TIGD1: variants seen among roughly 807,000 people sequenced by gnomAD.
The protein encoded by TIGD1 is tigger transposable element-derived protein 1.
Under a neutral mutation model 21.3 loss-of-function variants are expected in TIGD1, and 20 were observed. The observed-to-expected ratio is 0.94, with a 90% CI of 0.66 to 1.36. The LOEUF (loss-of-function observed/expected upper bound fraction) is 1.36, where lower values mean the gene tolerates loss of function less well. TIGD1 is among the 40% of genes most tolerant of loss of function. TIGD1 has a pLI of 0.00. For missense variants in TIGD1, 556 were observed against 350.5 expected (o/e 1.59, Z -4.68); for synonymous variants, 177 against 123.2 (o/e 1.44, Z -2.89).
chr2:232,548,647 A>G lies in TIGD1; in HGVS notation c.1236T>C (p.Asp412=). The change falls in exon 1 of 1, where the codon GAT becomes GAC. Residue 412 remains aspartate, a synonymous_variant. Coordinates refer to ENST00000408957, the MANE Select transcript of TIGD1 (RefSeq NM_145702.4). ...CTGAAGTCTTGAACCCCTCATAGTC[A>G]TCAATGAGGGTGGGAATCAACTTCT... ...VWKKLIPTLI[D]DYEGFKTSVE... 2.0e-6 allele frequency: 1 copy of G among 504,190 alleles called. No individual in the cohort carries two copies. Among genetic ancestry groups the G allele is most frequent in the Non-Finnish European group, 3.8e-6 (1 of 265,756 alleles). The allele number at this position is 504,190 out of a possible 1,614,324, so 31.2% of individuals were successfully genotyped here. A position where few individuals can be genotyped will look rare whatever the true frequency, so the allele number is the denominator to read the frequency against.
At position 232,548,679 on chromosome 2, in the gene TIGD1, C is replaced by A. The variant is rs1215941490; in HGVS notation, c.1204G>T (p.Val402Phe). ...EEVKLSTLTG[V>F]WKKLIPTLID... ...AGGGTGGGAATCAACTTCTTCCAAA[C>A]TCCTGTTAATGTTGACAATTTGACC... The change falls in exon 1 of 1, where the codon GTT becomes TTT. Residue 402 changes from valine (V) to phenylalanine (F), a missense_variant. By Grantham distance (50) the Val-to-Phe change is conservative (BLOSUM62 -1). Coordinates refer to ENST00000408957, the MANE Select transcript of TIGD1 (RefSeq NM_145702.4). The A allele has an allele frequency of 2.1e-6, 1 of 485,714 alleles. No individual in the cohort carries two copies. Among genetic ancestry groups the A allele is most frequent in the South Asian group, 1.8e-5 (1 of 57,116 alleles). 30.1% of individuals were successfully genotyped at this position (485,714 alleles called of 1,614,324 possible).
chr2:232,544,946 G>T lies in TIGD1; in HGVS notation c.*3161C>A. The T allele has an allele frequency of 6.2e-7, 1 of 1,612,562 alleles. No individual in the cohort carries two copies. Among genetic ancestry groups the T allele is most frequent in the Non-Finnish European group, 8.5e-7 (1 of 1,179,462 alleles). On this transcript the variant is annotated 3_prime_UTR_variant, in exon 1 of 1. Coordinates refer to ENST00000408957, the MANE Select transcript of TIGD1 (RefSeq NM_145702.4). ...GGGTGGAGGTGGAGTGAGTACCTGG[G>T]CTTGGAACCGTGATAGAGACAGGAT...
Position 232,548,312 on chromosome 2 carries a change from G to A in TIGD1, c.1571C>T (p.Ser524Leu), listed in dbSNP as rs538345895. 3.1e-5 allele frequency: 47 copies of A among 1,501,486 alleles called. No homozygotes were observed. The highest frequency in any genetic ancestry group is 4.1e-5 in the Non-Finnish European group (46 of 1,122,744). The allele number at this position is 1,501,486 out of a possible 1,614,324, so 93.0% of individuals were successfully genotyped here. Residue 524 changes from serine to leucine, a missense_variant, in exon 1 of 1, where the codon TCA becomes TTA. Physicochemically the swap from Ser to Leu is moderately radical, Grantham distance 145 (BLOSUM62 -2). Transcript: ENST00000408957. ...ERSSTVGKML[S>L]NSIACYREIF... ...TTCTCTGTAGCATGCGATGCTGTTTGATAGCATTTTGCCCACAGTAGAGCT... is the reference window on the plus strand; with the variant it reads ...TTCTCTGTAGCATGCGATGCTGTTTAATAGCATTTTGCCCACAGTAGAGCT...
Position 232,549,121 on chromosome 2 carries a change from A to G in TIGD1, c.762T>C (p.Thr254=), listed in dbSNP as rs1468657322. ...PRALKNYTKS[T]LPVLYKWNSK... is the part of the protein sequence containing the mutation. The stretch of plus-strand genomic sequence containing the variant: ...TGTTCCATTTATATAGCACGGGTAG[A>G]GTAGATTTAGTATAATTCTTAAGGG... Residue 254 remains threonine (T), a synonymous_variant, in exon 1 of 1, where the codon ACT becomes ACC. Coordinates refer to ENST00000408957, the MANE Select transcript of TIGD1 (RefSeq NM_145702.4). The G allele has an allele frequency of 1.4e-6, 1 of 716,056 alleles. No individual in the cohort carries two copies. The highest frequency in any genetic ancestry group is 2.7e-5 in the East Asian group (1 of 37,278). 44.4% of individuals were successfully genotyped at this position (716,056 alleles called of 1,614,324 possible). A position where few individuals can be genotyped will look rare whatever the true frequency, so the allele number is the denominator to read the frequency against.
rs1366635386 is a variant in TIGD1 at position 232,546,850 on chromosome 2, T to C, written c.*1257A>G. Among the ~76,000 whole-genome samples, 1 of 152,178 alleles carries C rather than the reference T, an allele frequency of 6.6e-6. No homozygotes were observed. The highest frequency in any genetic ancestry group is 2.4e-5 in the African/African-American group (1 of 41,442). ...CAGGCCCTTCTTCCCAAAGGATGGTTAAGACAAGGAAGAGCTAGGCAAGAG... is the reference window on the plus strand; with the variant it reads ...CAGGCCCTTCTTCCCAAAGGATGGTCAAGACAAGGAAGAGCTAGGCAAGAG... On this transcript the variant is annotated 3_prime_UTR_variant, in exon 1 of 1. Coordinates refer to ENST00000408957, the MANE Select transcript of TIGD1 (RefSeq NM_145702.4).
In TIGD1 at chr2:232,544,315, C is replaced by A; in HGVS notation, c.*3792G>T. 7.1e-7 allele frequency: 1 copy of A among 1,403,966 alleles called. No individual in the cohort carries two copies. Among genetic ancestry groups the A allele is most frequent in the Non-Finnish European group, 1.0e-6 (1 of 992,408 alleles). 87.0% of individuals were successfully genotyped at this position (1,403,966 alleles called of 1,614,324 possible). A position where few individuals can be genotyped will look rare whatever the true frequency, so the allele number is the denominator to read the frequency against. ...ACAAGCCCTTCACGCCAACCTCTGGCTTCTGCTCTGAAGCTCGGCCTGCTG... is the reference window on the plus strand; with the variant it reads ...ACAAGCCCTTCACGCCAACCTCTGGATTCTGCTCTGAAGCTCGGCCTGCTG... On this transcript the variant is annotated 3_prime_UTR_variant, in exon 1 of 1. Coordinates refer to ENST00000408957, the MANE Select transcript of TIGD1 (RefSeq NM_145702.4).
Position 232,544,542 on chromosome 2 carries a change from A to G in TIGD1, c.*3565T>C. The stretch of plus-strand genomic sequence containing the variant: ...AGTGAACTCCTCTTCCAGCAGTGGC[A>G]GCGGCAAGGGCTGGTGGCGGCAGCG... On this transcript the variant is annotated 3_prime_UTR_variant, in exon 1 of 1. Transcript: ENST00000408957. The G allele has an allele frequency of 5.6e-6, 9 of 1,613,760 alleles. No individual in the cohort carries two copies. The highest frequency in any genetic ancestry group is 6.8e-6 in the Non-Finnish European group (8 of 1,179,952).
rs1692108668 is a variant in TIGD1 at position 232,545,426 on chromosome 2, T to C, written c.*2681A>G. ...CCACCAGTTGGGACCCGGACATAGGTAAGAAGGGCCCCAGGAAATGGAGAC... is the reference window on the plus strand; with the variant it reads ...CCACCAGTTGGGACCCGGACATAGGCAAGAAGGGCCCCAGGAAATGGAGAC... On this transcript the variant is annotated 3_prime_UTR_variant, in exon 1 of 1. Coordinates refer to ENST00000408957, the MANE Select transcript of TIGD1 (RefSeq NM_145702.4). 4 of 963,450 alleles carry C rather than the reference T, an allele frequency of 4.2e-6. No homozygotes were observed. The highest frequency in any genetic ancestry group is 6.4e-6 in the Non-Finnish European group (4 of 626,072). The allele number at this position is 963,450 out of a possible 1,614,324, so 59.7% of individuals were successfully genotyped here.
At position 232,550,490 on chromosome 2, in the gene TIGD1, C is replaced by G; in HGVS notation, c.-608G>C. 1.8e-6 allele frequency: 1 copy of G among 561,640 alleles called. No homozygotes were observed. 34.8% of individuals were successfully genotyped at this position (561,640 alleles called of 1,614,324 possible). A position where few individuals can be genotyped will look rare whatever the true frequency, so the allele number is the denominator to read the frequency against. On this transcript the variant is annotated 5_prime_UTR_variant, in exon 1 of 1. Coordinates refer to ENST00000408957, the MANE Select transcript of TIGD1 (RefSeq NM_145702.4). Reference sequence around the variant, plus strand: ...CGCTCCCTTAGGAGAGCGGGCGGGTCACAAGGACCTGGACAGAGGCAGAAC... The same window carrying G: ...CGCTCCCTTAGGAGAGCGGGCGGGTGACAAGGACCTGGACAGAGGCAGAAC...
chr2:232,548,483 C>G lies in TIGD1; in HGVS notation c.1400G>C (p.Arg467Thr). The G allele has an allele frequency of 1.5e-6, 1 of 663,438 alleles. No individual in the cohort carries two copies. The highest frequency in any genetic ancestry group is 1.8e-5 in the South Asian group (1 of 56,026). 41.1% of individuals were successfully genotyped at this position (663,438 alleles called of 1,614,324 possible). Residue 467 changes from arginine (R) to threonine (T), a missense_variant, in exon 1 of 1, where the codon AGA (arginine) becomes ACA (threonine). Arg to Thr is a moderately conservative substitution (Grantham distance 71, BLOSUM62 -1). Transcript: ENST00000408957. ...AGATTCCATCTCAAGAAACCACTTT[C>G]TTTGCGCATCCATAAGAAACAACTC... ...DEELFLMDAQRKWFLEMESTP... is the reference protein window; with the variant it reads ...DEELFLMDAQTKWFLEMESTP...
At position 232,544,041 on chromosome 2, in the gene TIGD1, G is replaced by T. The variant is rs766310547; in HGVS notation, c.*4066C>A. Among the ~76,000 whole-genome samples, 4 of 152,216 alleles carry T rather than the reference G, an allele frequency of 2.6e-5. No individual in the cohort carries two copies. The highest frequency in any genetic ancestry group is 5.9e-5 in the Non-Finnish European group (4 of 68,038). On this transcript the variant is annotated 3_prime_UTR_variant, in exon 1 of 1. Transcript: ENST00000408957. ...TGCCAGGGCAGTCTGATTCCAGTCT[G>T]TGTGATCTGTAGCCCACCTGCAGCC...
At position 232,550,520 on chromosome 2, in the gene TIGD1, G is replaced by C. The variant is rs1468480143; in HGVS notation, c.-638C>G. ...GGACCTGGACAGAGGCAGAACTGAG[G>C]CCAGCAGCCAGCTCCGCCGCTGAGT... is the stretch of plus-strand genomic sequence containing the variant. On this transcript the variant is annotated 5_prime_UTR_variant, in exon 1 of 1. Transcript: ENST00000408957. 1 of 637,110 alleles carries C rather than the reference G, an allele frequency of 1.6e-6. No individual in the cohort carries two copies. The highest frequency in any genetic ancestry group is 2.0e-5 in the African/African-American group (1 of 50,932). The allele number at this position is 637,110 out of a possible 1,614,324, so 39.5% of individuals were successfully genotyped here.
rs1374444033 is a variant in TIGD1, at chr2:232,549,689, G to A, written c.194C>T (p.Thr65Ile). ...EKFLKEVKSA[T>I]PMNTRMIRKR... is the part of the protein sequence containing the mutation. The stretch of plus-strand genomic sequence containing the variant: ...TCTTATCATTCGTGTGTTCATTGGA[G>A]TAGCACTTTTAACTTCCTTCAAGAA... Residue 65 changes from threonine (T) to isoleucine (I), a missense_variant, in exon 1 of 1, where the codon ACT becomes ATT. By Grantham distance (89) the Thr-to-Ile change is moderately conservative. Coordinates refer to ENST00000408957, the MANE Select transcript of TIGD1 (RefSeq NM_145702.4). The A allele has an allele frequency of 2.6e-6, 2 of 755,088 alleles. No individual in the cohort carries two copies. The highest frequency in any genetic ancestry group is 4.8e-6 in the Non-Finnish European group (2 of 420,574). The allele number at this position is 755,088 out of a possible 1,614,324, so 46.8% of individuals were successfully genotyped here.
chr2:232,544,389 A>G lies in TIGD1; in HGVS notation c.*3718T>C, dbSNP rs1474161904. Reference sequence around the variant, plus strand: ...TAGGTGTTCCTGAGGCTCTTGCCCCAGCTGCTGAGGATGCACGTTCGCCCG... The same window carrying G: ...TAGGTGTTCCTGAGGCTCTTGCCCCGGCTGCTGAGGATGCACGTTCGCCCG... On this transcript the variant is annotated 3_prime_UTR_variant, in exon 1 of 1. Transcript: ENST00000408957. 5.6e-6 allele frequency: 9 copies of G among 1,613,380 alleles called. No individual in the cohort carries two copies. The South Asian group carries it at 9.9e-5, about 18-fold the overall frequency.
In TIGD1 at chr2:232,544,017, G is replaced by A. The variant is rs1252852911; in HGVS notation, c.*4090C>T. 6.6e-6 allele frequency among the ~76,000 whole-genome samples: 1 copy of A among 152,228 alleles called. No homozygotes were observed. Among genetic ancestry groups the A allele is most frequent in the Non-Finnish European group, 1.5e-5 (1 of 68,042 alleles). ...TACAAAGTCGAAAAAGCAGGAGTCT[G>A]CCAGGGCAGTCTGATTCCAGTCTGT... On this transcript the variant is annotated 3_prime_UTR_variant, in exon 1 of 1. Transcript: ENST00000408957.
rs1410866071 is a variant in TIGD1 at position 232,548,135 on chromosome 2, C to G, written c.1748G>C (p.Arg583Thr). The stretch of plus-strand genomic sequence containing the variant: ...ATCTGAGCCTTCGGTGAGTCGTACT[C>G]TTTTTGCTGGTGGAGGGTCTTGCCT... ...TSRQDPPPAK[R>T]VRLTEGSD The change falls in exon 1 of 1, where the codon AGA (arginine) becomes ACA (threonine). Residue 583 changes from arginine (R) to threonine (T), a missense_variant. Coordinates refer to ENST00000408957, the MANE Select transcript of TIGD1 (RefSeq NM_145702.4). 1.0e-6 allele frequency: 1 copy of G among 999,094 alleles called. No homozygotes were observed. Among genetic ancestry groups the G allele is most frequent in the Non-Finnish European group, 1.4e-6 (1 of 693,786 alleles). The allele number at this position is 999,094 out of a possible 1,614,324, so 61.9% of individuals were successfully genotyped here. A position where few individuals can be genotyped will look rare whatever the true frequency, so the allele number is the denominator to read the frequency against.
rs57021172 is a variant in TIGD1 at position 232,546,308 on chromosome 2, CTTTT to C, written c.*1795_*1798del. 2.8e-4 allele frequency: 27 copies of C among 94,846 alleles called. No homozygotes were observed. The highest frequency in any genetic ancestry group is 2.2e-3 in the South Asian group (6 of 2,716). The allele number at this position is 94,846 out of a possible 1,614,324, so 5.9% of individuals were successfully genotyped here. A position where few individuals can be genotyped will look rare whatever the true frequency, so the allele number is the denominator to read the frequency against. On this transcript the variant is annotated 3_prime_UTR_variant, in exon 1 of 1. Transcript: ENST00000408957. ...ACGATTTCCTGAGTTTTGTAATCCT[CTTTT>C]TTTTTTTTTTTTTTTTAGTTTTTGA...
Position 232,543,990 on chromosome 2 carries a change from A to G in TIGD1, c.*4117T>C, listed in dbSNP as rs190475375. Among the ~76,000 whole-genome samples, 1 of 152,364 alleles carries G rather than the reference A, an allele frequency of 6.6e-6. No homozygotes were observed. Among genetic ancestry groups the G allele is most frequent in the Non-Finnish European group, 1.5e-5 (1 of 68,036 alleles). On this transcript the variant is annotated 3_prime_UTR_variant, in exon 1 of 1. Transcript: ENST00000408957. ...TTAAGTAACCTGCCCAAGGAAGTGCACTACAAAGTCGAAAAAGCAGGAGTC... is the reference window on the plus strand; with the variant it reads ...TTAAGTAACCTGCCCAAGGAAGTGCGCTACAAAGTCGAAAAAGCAGGAGTC...
chr2:232,545,824 C>A lies in TIGD1; in HGVS notation c.*2283G>T. ...CCTAAGTGTGCTCTTTGGGAAGTGC[C>A]CTTCAGGACTGTGTGAGCCAAACAG... On this transcript the variant is annotated 3_prime_UTR_variant, in exon 1 of 1. Coordinates refer to ENST00000408957, the MANE Select transcript of TIGD1 (RefSeq NM_145702.4). The A allele has an allele frequency of 7.9e-7, 1 of 1,269,156 alleles. No individual in the cohort carries two copies. The highest frequency in any genetic ancestry group is 1.1e-6 in the Non-Finnish European group (1 of 880,094). 78.6% of individuals were successfully genotyped at this position (1,269,156 alleles called of 1,614,324 possible).
Sources: gnomAD v4.1 joint callset for allele counts (sites outside exome capture counted in the v4.1 genomes callset) on GRCh38, gnomAD v4.1.1 for gene constraint, MANE v1.5 for transcripts, NCBI Gene and HGNC (gene_info 2026-07-23, HGNC 2026-07-21) for gene names.